The following EDIL3 variants were observed in gnomAD, a reference collection of about 807,000 sequenced individuals.
EDIL3 encodes EGF-like repeat and discoidin I-like domain-containing protein 3.
A neutral mutation model predicts 67.4 loss-of-function variants in EDIL3; 37 were observed. The ratio of observed to expected loss-of-function variants is 0.55; its 90% CI spans 0.42 to 0.72. EDIL3 has a LOEUF of 0.72. Ranked by LOEUF, EDIL3 falls within the 30% of genes least tolerant of loss-of-function variation. EDIL3 has a pLI of 0.00. For missense variants in EDIL3, 527 were observed against 586.3 expected, an observed-to-expected ratio of 0.90 and a Z score of 1.04; for synonymous variants, 195 against 196.3, an observed-to-expected ratio of 0.99 and a Z score of 0.05.
intron 1 of EDIL3, among the ~76,000 whole-genome samples, chr5:84,321,309 G>A (rs983583534): frequency 3.3e-5 from 5 of 151,970 alleles, no homozygotes; most frequent in Non-Finnish European, 5.9e-5. Context: ...TATAATTCCA[G>A]GATATAAGTA....
At chr5:84,138,848 G>A (rs868575609) in intron 4 of EDIL3, among the ~76,000 whole-genome samples, 2 of 151,998 alleles carry the variant, frequency 1.3e-5, no homozygotes, top group Non-Finnish European at 2.9e-5. Flanking sequence ...ACTGTGTTCA[G>A]AAAAAATAAA....
chr5:83,982,415 C>T (rs1744985689), intron 9 of EDIL3, among the ~76,000 whole-genome samples: 1 of 151,958 alleles, frequency 6.6e-6, no homozygotes, highest in Non-Finnish European at 1.5e-5. Context: ...TTTCTATTTC[C>T]TCAATTATTC....
chr5:83,964,067 C>T (rs1472597138), intron 9 of EDIL3, among the ~76,000 whole-genome samples: 1 of 151,752 alleles, frequency 6.6e-6, no homozygotes, highest in Non-Finnish European at 1.5e-5. Flanking sequence ...CTGCAAAACA[C>T]ATACTTTAAA....
intron 1 of EDIL3, among the ~76,000 whole-genome samples, chr5:84,353,075 A>G (rs1399146571): frequency 1.3e-5 from 2 of 152,136 alleles, no homozygotes; most frequent in African/African-American, 4.8e-5. Flanking sequence ...GCATCAATCA[A>G]TGTGAATAGC....
At chr5:84,117,090 C>T (rs1030102625) in intron 5 of EDIL3, among the ~76,000 whole-genome samples, 4 of 130,730 alleles carry the variant, frequency 3.1e-5, no homozygotes, top group African/African-American at 1.2e-4. Context: ...TGCAGTGGCG[C>T]AATCTCGGCT....
chr5:84,378,517 A>G (rs1748014962), intron 1 of EDIL3, among the ~76,000 whole-genome samples: 1 of 152,188 alleles, frequency 6.6e-6, no homozygotes, highest in Non-Finnish European at 1.5e-5. Flanking sequence ...CTATTACTTC[A>G]TATGCTTTTC....
chr5:84,098,092 A>C (rs1275319275), intron 6 of EDIL3, among the ~76,000 whole-genome samples: 1 of 140,682 alleles, frequency 7.1e-6, no homozygotes, highest in African/African-American at 2.5e-5. Flanking sequence ...CCAAAAAACT[A>C]GAAATCTGAA....
intron 4 of EDIL3, among the ~76,000 whole-genome samples, chr5:84,149,745 A>G (rs1267719182): frequency 1.3e-5 from 2 of 152,148 alleles, no homozygotes; most frequent in Admixed American, 1.3e-4. Flanking sequence ...ATATATTGAA[A>G]ATATTAAATA....
chr5:84,362,849 A>C (rs2112202855), intron 1 of EDIL3, among the ~76,000 whole-genome samples: 1 of 152,330 alleles, frequency 6.6e-6, no homozygotes, highest in African/African-American at 2.4e-5. Flanking sequence ...AATACAAAAC[A>C]AAATAAATAA....
chr5:84,309,596 T>C (rs1050831478), intron 1 of EDIL3, among the ~76,000 whole-genome samples: 3 of 151,964 alleles, frequency 2.0e-5, no homozygotes, highest in African/African-American at 7.3e-5. Context: ...ATACGGTGTT[T>C]GGTTTTTTGT....
At chr5:84,154,327 C>T (rs758677735) in intron 4 of EDIL3, among the ~76,000 whole-genome samples, 1 of 152,000 alleles carries the variant, frequency 6.6e-6, no homozygotes, top group Non-Finnish European at 1.5e-5. Context: ...ACATTAATTC[C>T]TCAATATCTT....
rs78194321 is a variant in EDIL3, at chr5:83,971,575, G to A, written c.1138-8215C>T. On this transcript the variant is annotated intron_variant, in intron 9 of 10. Transcript: ENST00000296591. ...TGAAATTTGGTTGTTTTTTTTATCC[G>A]TAGAATATTTCCCACTTAAAATTTT... 5.1e-3 allele frequency among the ~76,000 whole-genome samples: 770 copies of A among 151,796 alleles called. 9 individuals are homozygous for A. The highest frequency in any genetic ancestry group is 0.017 in the African/African-American group (718 of 41,410).
intron 9 of EDIL3, among the ~76,000 whole-genome samples, chr5:84,049,302 T>G (rs3216695): frequency 1.4e-5 from 1 of 73,386 alleles, no homozygotes; most frequent in East Asian, 3.3e-4. Context: ...ATGCAAATCT[T>G]CACTTTTGAT....
chr5:83,987,869 G>GTATATATA (rs34360330), intron 9 of EDIL3, among the ~76,000 whole-genome samples: 3,544 of 138,294 alleles, frequency 0.026, 124 homozygotes, highest in African/African-American at 0.074. Flanking sequence ...GTGTGTGTAT[G>GTATATATA]TATATATATA....
At chr5:84,373,536 A>G (rs2112215422) in intron 1 of EDIL3, among the ~76,000 whole-genome samples, 1 of 152,218 alleles carries the variant, frequency 6.6e-6, no homozygotes, top group East Asian at 1.9e-4. Flanking sequence ...GATAGTACTC[A>G]TTTTCTTAGT....
chr5:84,064,667 A>T, intron 8 of EDIL3, 33 bp downstream of exon 8: 1 of 1,589,340 alleles, frequency 6.3e-7, no homozygotes, highest in Admixed American at 1.8e-5. Flanking sequence ...TTTTCTTTAA[A>T]TAGAATACAG....
chr5:84,375,767 C>G (rs982786357), intron 1 of EDIL3, among the ~76,000 whole-genome samples: 2 of 152,156 alleles, frequency 1.3e-5, no homozygotes, highest in African/African-American at 4.8e-5. Flanking sequence ...CAAACCACTT[C>G]CCAAGTGCTC....
chr5:84,294,148 C>T (rs1745987513), intron 1 of EDIL3, among the ~76,000 whole-genome samples: 1 of 150,554 alleles, frequency 6.6e-6, no homozygotes, highest in Admixed American at 6.6e-5. Flanking sequence ...CTTCAGGAGG[C>T]CGAGACGGGT....
chr5:84,274,764 C>T (rs988230335), intron 1 of EDIL3, among the ~76,000 whole-genome samples: 1 of 145,732 alleles, frequency 6.9e-6, no homozygotes, highest in Non-Finnish European at 1.5e-5. Context: ...CAGACACACA[C>T]AGACACACAT....
Sources: gnomAD v4.1 joint callset for allele counts (sites outside exome capture counted in the v4.1 genomes callset) on GRCh38, gnomAD v4.1.1 for gene constraint, MANE v1.5 for transcripts, NCBI Gene and HGNC (gene_info 2026-07-23, HGNC 2026-07-21) for gene names.